CHML: variants seen among roughly 807,000 people sequenced by gnomAD.
CHML encodes CHM like Rab escort protein.
CHML carries 20 observed loss-of-function variants against 30.4 expected under a neutral mutation model. That is an observed-to-expected ratio of 0.66 (90% CI 0.46 to 0.95). The LOEUF is 0.95. Among genes scored for constraint, CHML ranks in the 40% least tolerant of loss-of-function variants. The probability of loss-of-function intolerance (pLI) is 0.00; values close to 1 mark genes in which losing one functional copy is unlikely to be tolerated. For missense variants in CHML, 795 were observed against 768.5 expected (o/e 1.03, Z -0.41); for synonymous variants, 281 against 275.0 (o/e 1.02, Z -0.22).
In CHML at chr1:241,635,277, CTG is replaced by C. The variant is rs1470913015; in HGVS notation, c.488_489del (p.Thr163ArgfsTer8). The C allele has an allele frequency of 2.4e-5, 38 of 1,613,830 alleles. No homozygotes were observed. Among genetic ancestry groups the C allele is most frequent in the Non-Finnish European group, 3.0e-5 (35 of 1,179,946 alleles). On this transcript the variant is annotated frameshift_variant, in exon 2 of 2. Transcript: ENST00000366553. LOFTEE classifies it high-confidence loss of function. ...MPAKHTQKSD[T>X]EISLEVTDVE... ...ACATCAGTTACTTCTAGTGAAATCT[CTG>C]TATCACTTTTCTGAGTGTGTTTTGC...
rs750421802 is a variant in CHML, at chr1:241,634,383, C to G, written c.1384G>C (p.Asp462His). 5 of 1,613,952 alleles carry G rather than the reference C, an allele frequency of 3.1e-6. No individual in the cohort carries two copies. In the Admixed American group the frequency reaches 8.3e-5, roughly 27 times the overall value. The change falls in exon 2 of 2, where the codon GAT (aspartate) becomes CAT (histidine). Residue 462 changes from aspartate (D) to histidine (H), a missense_variant. Asp to His is a moderately conservative substitution (Grantham distance 81). Coordinates refer to ENST00000366553, the MANE Select transcript of CHML (RefSeq NM_001381853.1). ...AAATCTGTCTTTAGTATAGACTGATCTGTAATGAGTACTGCCCTAGAGATC... is the reference window on the plus strand; with the variant it reads ...AAATCTGTCTTTAGTATAGACTGATGTGTAATGAGTACTGCCCTAGAGATC... ...KQISRAVLIT[D>H]QSILKTDLDQ...
In CHML at chr1:241,631,310, G is replaced by T. The variant is rs1377649688; in HGVS notation, c.*2486C>A. The T allele has an allele frequency of 6.6e-6, 1 of 151,458 alleles. No individual in the cohort carries two copies. The highest frequency in any genetic ancestry group is 1.5e-5 in the Non-Finnish European group (1 of 67,856). 9.4% of individuals were successfully genotyped at this position (151,458 alleles called of 1,614,324 possible). On this transcript the variant is annotated 3_prime_UTR_variant, in exon 2 of 2. Transcript: ENST00000366553. The stretch of plus-strand genomic sequence containing the variant: ...ATACCATCTTTTGCAACTTCTGATT[G>T]TTCCTTTTCTCAATTTCTTATGAAT...
Position 241,635,696 on chromosome 1 carries a change from G to C in CHML, c.71C>G (p.Ala24Gly), listed in dbSNP as rs137990597. Residue 24 changes from alanine (A) to glycine (G), a missense_variant, in exon 2 of 2, where the codon GCA (alanine) becomes GGA (glycine). Ala to Gly is a moderately conservative substitution (Grantham distance 60, BLOSUM62 0). Coordinates refer to ENST00000366553, the MANE Select transcript of CHML (RefSeq NM_001381853.1). ...IGTGLPESIL[A>G]AACSRSGQRV... ...CTGACCACTTCTTGAACATGCAGCT[G>C]CAAGGATGGATTCGGGCAAACCTGT... is the stretch of plus-strand genomic sequence containing the variant. 46 of 1,614,038 alleles carry C rather than the reference G, an allele frequency of 2.8e-5. No homozygotes were observed. The African/African-American group carries it at 5.7e-4, about 20-fold the overall frequency.
In CHML at chr1:241,637,720, C is replaced by T. The variant is rs1017694936; in HGVS notation, c.-307-1647G>A. On this transcript the variant is annotated intron_variant, in intron 1 of 1. Transcript: ENST00000366553. ...TTACAGAGCATTAAGCTGAATTACC[C>T]AATAATAGAGATGAGAGAACTGATA... is the stretch of plus-strand genomic sequence containing the variant. Among the ~76,000 whole-genome samples, 46 of 152,154 alleles carry T rather than the reference C, an allele frequency of 3.0e-4. 1 individual carries two copies. Among genetic ancestry groups the T allele is most frequent in the Non-Finnish European group, 3.5e-4 (24 of 68,008 alleles).
In CHML at chr1:241,629,784, C is replaced by T. The variant is rs919221636; in HGVS notation, c.*4012G>A. 1 of 152,024 alleles carries T rather than the reference C, an allele frequency of 6.6e-6. No individual in the cohort carries two copies. Among genetic ancestry groups the T allele is most frequent in the Non-Finnish European group, 1.5e-5 (1 of 67,934 alleles). 9.4% of individuals were successfully genotyped at this position (152,024 alleles called of 1,614,324 possible). On this transcript the variant is annotated 3_prime_UTR_variant, in exon 2 of 2. Transcript: ENST00000366553. The stretch of plus-strand genomic sequence containing the variant: ...CACACTGACATCTAGCTAGTCTTTC[C>T]ACCAGCAGTTATTAATATTTCTTTC...
chr1:241,634,815 T>G lies in CHML; in HGVS notation c.952A>C (p.Arg318=). 6.2e-7 allele frequency: 1 copy of G among 1,613,628 alleles called. No individual in the cohort carries two copies. The highest frequency in any genetic ancestry group is 1.1e-5 in the South Asian group (1 of 91,018). The stretch of plus-strand genomic sequence containing the variant: ...AAGTATTCTGAAAATGAACACTGCC[T>G]GAAAGCTTGGTATTCATCAGGATGT... The part of the protein sequence containing the change: ...EQHPDEYQAF[R]QCSFSEYLKT... Residue 318 remains arginine (R), a synonymous_variant, in exon 2 of 2, where the codon AGG becomes CGG. Coordinates refer to ENST00000366553, the MANE Select transcript of CHML (RefSeq NM_001381853.1).
In CHML at chr1:241,633,931, A is replaced by G. The variant is rs1341038553; in HGVS notation, c.1836T>C (p.Asn612=). The G allele has an allele frequency of 3.1e-6, 5 of 1,613,622 alleles. No individual in the cohort carries two copies. In the Admixed American group the frequency reaches 8.3e-5, roughly 27 times the overall value. The change falls in exon 2 of 2, where the codon AAT becomes AAC. Residue 612 remains asparagine, a synonymous_variant. Transcript: ENST00000366553. ...CACCATCAAAGATAATGTCTTCTGG[A>G]TTTGGAGGTGGAGGGCAGAATTCTT... ...PTEEFCPPPP[N]PEDIIFDGDD...
chr1:241,635,001 A>G lies in CHML; in HGVS notation c.766T>C (p.Tyr256His). 2 of 1,613,600 alleles carry G rather than the reference A, an allele frequency of 1.2e-6. No homozygotes were observed. Among genetic ancestry groups the G allele is most frequent in the Non-Finnish European group, 1.7e-6 (2 of 1,179,832 alleles). The change falls in exon 2 of 2, where the codon TAT becomes CAT. Residue 256 changes from tyrosine to histidine, a missense_variant. Tyr to His is a moderately conservative substitution (Grantham distance 83). Transcript: ENST00000366553. ...CTAGTGACATTTTTAAATTCTACAT[A>G]ACGACTAACATCTGATTTGATTAAA... Reference protein sequence around the residue: ...DLLIKSDVSRYVEFKNVTRIL... With the variant: ...DLLIKSDVSRHVEFKNVTRIL...
At position 241,635,559 on chromosome 1, in the gene CHML, C is replaced by G; in HGVS notation, c.208G>C (p.Glu70Gln). The G allele has an allele frequency of 6.2e-7, 1 of 1,614,096 alleles. No individual in the cohort carries two copies. The highest frequency in any genetic ancestry group is 8.5e-7 in the Non-Finnish European group (1 of 1,179,952). The change falls in exon 2 of 2, where the codon GAA becomes CAA. Residue 70 changes from glutamate (E) to glutamine (Q), a missense_variant. Glu to Gln is a conservative substitution (Grantham distance 29). Transcript: ENST00000366553. ...TCCTGCCATACAACAGTACTTTCTT[C>G]CCCAATGTCATTGTTTTGCTGATAC... ...KEYQQNNDIG[E>Q]ESTVVWQDLI...
In CHML at chr1:241,635,850, T is replaced by C; in HGVS notation, c.-84A>G. 1 of 1,359,914 alleles carries C rather than the reference T, an allele frequency of 7.4e-7. No homozygotes were observed. The highest frequency in any genetic ancestry group is 1.0e-6 in the Non-Finnish European group (1 of 991,380). The allele number at this position is 1,359,914 out of a possible 1,614,324, so 84.2% of individuals were successfully genotyped here. A position where few individuals can be genotyped will look rare whatever the true frequency, so the allele number is the denominator to read the frequency against. On this transcript the variant is annotated 5_prime_UTR_variant, in exon 2 of 2. Transcript: ENST00000366553. ...GCTGTAATAAAATCTGTCCTTCTGA[T>C]GTTCCAGTTATCCCAGAAGCACTGA...
rs985173229 is a variant in CHML, at chr1:241,630,921, A to G, written c.*2875T>C. 1 of 151,978 alleles carries G rather than the reference A, an allele frequency of 6.6e-6. No individual in the cohort carries two copies. Among genetic ancestry groups the G allele is most frequent in the African/African-American group, 2.4e-5 (1 of 41,424 alleles). 9.4% of individuals were successfully genotyped at this position (151,978 alleles called of 1,614,324 possible). A position where few individuals can be genotyped will look rare whatever the true frequency, so the allele number is the denominator to read the frequency against. On this transcript the variant is annotated 3_prime_UTR_variant, in exon 2 of 2. Transcript: ENST00000366553. The stretch of plus-strand genomic sequence containing the variant: ...GTGATAGTAAATTATTTGTTGCTGT[A>G]TTGTTTGCCAATATTTTATTTTGCA...
chr1:241,634,487 T>G lies in CHML; in HGVS notation c.1280A>C (p.Gln427Pro), dbSNP rs764883955. 4.3e-6 allele frequency: 7 copies of G among 1,613,742 alleles called. No individual in the cohort carries two copies. The African/African-American group carries it at 8.0e-5, about 18-fold the overall frequency. The change falls in exon 2 of 2, where the codon CAA (glutamine) becomes CCA (proline). Residue 427 changes from glutamine (Q) to proline (P), a missense_variant. Coordinates refer to ENST00000366553, the MANE Select transcript of CHML (RefSeq NM_001381853.1). Reference sequence around the variant, plus strand: ...AATAAAATATTTAGCATTTATTCTTTGACCAAAGTGATCTATAATTGCTTT... The same window carrying G: ...AATAAAATATTTAGCATTTATTCTTGGACCAAAGTGATCTATAATTGCTTT... Reference protein sequence around the residue: ...RCKAIIDHFGQRINAKYFIVE... With the variant: ...RCKAIIDHFGPRINAKYFIVE...
At position 241,635,000 on chromosome 1, in the gene CHML, TA is replaced by T; in HGVS notation, c.766del (p.Tyr256MetfsTer2). On this transcript the variant is annotated frameshift_variant, in exon 2 of 2. Transcript: ENST00000366553. LOFTEE classifies it high-confidence loss of function. The part of the protein sequence containing the change: ...DLLIKSDVSR[Y>X]VEFKNVTRIL... The stretch of plus-strand genomic sequence containing the variant: ...CCTAGTGACATTTTTAAATTCTACA[TA>T]ACGACTAACATCTGATTTGATTAAA... 6.2e-7 allele frequency: 1 copy of T among 1,613,660 alleles called. No homozygotes were observed. The highest frequency in any genetic ancestry group is 2.2e-5 in the East Asian group (1 of 44,862).
chr1:241,637,863 C>G (rs12028394), intron 1 of CHML, among the ~76,000 whole-genome samples: 34,696 of 152,100 alleles, frequency 0.23, 4,461 homozygotes, highest in Non-Finnish European at 0.28. Context: ...GGGCAAGCCT[C>G]TCCAAAAGCC....
At position 241,635,547 on chromosome 1, in the gene CHML, C is replaced by G. The variant is rs758329655; in HGVS notation, c.220G>C (p.Val74Leu). Residue 74 changes from valine to leucine, a missense_variant, in exon 2 of 2, where the codon GTT becomes CTT. Transcript: ENST00000366553. ...TCATGGATCAGGTCCTGCCATACAACAGTACTTTCTTCCCCAATGTCATTG... is the reference window on the plus strand; with the variant it reads ...TCATGGATCAGGTCCTGCCATACAAGAGTACTTTCTTCCCCAATGTCATTG... The part of the protein sequence containing the change: ...QNNDIGEEST[V>L]VWQDLIHETE... 15 of 1,613,944 alleles carry G rather than the reference C, an allele frequency of 9.3e-6. No homozygotes were observed. The highest frequency in any genetic ancestry group is 1.7e-5 in the Admixed American group (1 of 60,002).
chr1:241,634,355 T>C lies in CHML; in HGVS notation c.1412A>G (p.Asp471Gly). ...TDQSILKTDL[D>G]QQTSILIVPP... ...AACTATCAGAATGGAAGTCTGCTGA[T>C]CTAAATCTGTCTTTAGTATAGACTG... The change falls in exon 2 of 2, where the codon GAT becomes GGT. Residue 471 changes from aspartate to glycine, a missense_variant. Asp to Gly is a moderately conservative substitution (Grantham distance 94, BLOSUM62 -1). Transcript: ENST00000366553. The C allele has an allele frequency of 6.2e-7, 1 of 1,614,012 alleles. No homozygotes were observed. The highest frequency in any genetic ancestry group is 8.5e-7 in the Non-Finnish European group (1 of 1,179,922).
In CHML at chr1:241,639,888, G is replaced by C; in HGVS notation, c.-314C>G. The C allele has an allele frequency of 1.3e-6, 2 of 1,577,182 alleles. No individual in the cohort carries two copies. Among genetic ancestry groups the C allele is most frequent in the South Asian group, 1.2e-5 (1 of 86,874 alleles). Reference sequence around the variant, plus strand: ...TTCTCCCAGTCCAACTCACCGAAGAGGCTGCCGCTAAACCCGTCCCACACG... The same window carrying C: ...TTCTCCCAGTCCAACTCACCGAAGACGCTGCCGCTAAACCCGTCCCACACG... On this transcript the variant is annotated 5_prime_UTR_variant, in exon 1 of 2. Transcript: ENST00000366553.
intron 1 of CHML, among the ~76,000 whole-genome samples, chr1:241,637,956 A>G (rs900158485): frequency 3.9e-5 from 6 of 152,162 alleles, no homozygotes; most frequent in African/African-American, 4.8e-5. Flanking sequence ...CTCAGGGATA[A>G]CTCAGGAAGT....
At position 241,640,263 on chromosome 1, in the gene CHML, G is replaced by C; in HGVS notation, c.-689C>G. Reference sequence around the variant, plus strand: ...CGGTTCCCCGAGTACATGGCCCGGCGCCGGCGCGCCTGGCGGGCGGAGGCG... The same window carrying C: ...CGGTTCCCCGAGTACATGGCCCGGCCCCGGCGCGCCTGGCGGGCGGAGGCG... On this transcript the variant is annotated 5_prime_UTR_variant, in exon 1 of 2. Transcript: ENST00000366553. 2.5e-6 allele frequency: 3 copies of C among 1,197,202 alleles called. No homozygotes were observed. The allele number at this position is 1,197,202 out of a possible 1,614,324, so 74.2% of individuals were successfully genotyped here.
Sources: gnomAD v4.1 joint callset for allele counts (sites outside exome capture counted in the v4.1 genomes callset) on GRCh38, gnomAD v4.1.1 for gene constraint, MANE v1.5 for transcripts, NCBI Gene and HGNC (gene_info 2026-07-23, HGNC 2026-07-21) for gene names.